The following CLEC4A variants were observed in gnomAD, a reference collection of about 807,000 sequenced individuals.
CLEC4A encodes the protein C-type (calcium dependent, carbohydrate-recognition domain) lectin, superfamily member 6.
CLEC4A carries 27 observed loss-of-function variants against 32.7 expected under a neutral mutation model. The ratio of observed to expected loss-of-function variants is 0.83; its 90% confidence interval spans 0.61 to 1.14. The LOEUF (loss-of-function observed/expected upper bound fraction) is 1.14. CLEC4A is among the 50% of genes most tolerant of loss of function. The pLI is 0.00. For missense variants in CLEC4A, 253 were observed against 274.6 expected, an observed-to-expected ratio of 0.92 and a Z score of 0.55; for synonymous variants, 89 against 93.7, an observed-to-expected ratio of 0.95 and a Z score of 0.29.
At chr12:8,122,017 G>A (rs1947835340), upstream of CLEC4A, among the ~76,000 whole-genome samples, 1 of 152,012 alleles carries the variant, frequency 6.6e-6, no homozygotes, top group Non-Finnish European at 1.5e-5. Context: ...GACCTGGTGT[G>A]GTTTCAGAGA....
At position 8,125,658 on chromosome 12, in the gene CLEC4A, A is replaced by G. The variant is rs1282984669; in HGVS notation, c.180A>G (p.Ser60=). 1 of 1,606,242 alleles carries G rather than the reference A, an allele frequency of 6.2e-7. No individual in the cohort carries two copies. The highest frequency in any genetic ancestry group is 8.5e-7 in the Non-Finnish European group (1 of 1,172,944). The stretch of plus-strand genomic sequence containing the variant: ...TATTTTTCCTGCTATTGGCAATCTC[A>G]TTCTTTATTGCTTTTGTCAGTAAGT... ...LLIFFLLLAI[S]FFIAFVIFFQ... is the part of the protein sequence containing the mutation. Residue 60 remains serine, a synonymous_variant, in exon 2 of 6, where the codon TCA becomes TCG. Transcript: ENST00000229332.
intron 3 of CLEC4A, among the ~76,000 whole-genome samples, chr12:8,130,496 C>T (rs923323579): frequency 2.6e-5 from 4 of 152,120 alleles, no homozygotes; most frequent in African/African-American, 9.7e-5. Flanking sequence ...CCTCAGCCTC[C>T]CAGTAGCTGG....
At position 8,138,251 on chromosome 12, in the gene CLEC4A, A is replaced by C. The variant is rs1429411507; in HGVS notation, c.678A>C (p.Gln226His). ...GWNDVNCLGP[Q>H]RSVCEMMKIH... is the part of the protein sequence containing the mutation. ...ATGATGTTAATTGTCTTGGTCCTCAAAGGTCAGTTTGTGAGATGATGAAGA... is the reference window on the plus strand; with the variant it reads ...ATGATGTTAATTGTCTTGGTCCTCACAGGTCAGTTTGTGAGATGATGAAGA... The change falls in exon 6 of 6, where the codon CAA becomes CAC. Residue 226 changes from glutamine to histidine, a missense_variant. Transcript: ENST00000229332. 4 of 1,614,024 alleles carry C rather than the reference A, an allele frequency of 2.5e-6. No homozygotes were observed. The highest frequency in any genetic ancestry group is 3.4e-6 in the Non-Finnish European group (4 of 1,180,018).
chr12:8,110,532 T>C, the CLEC4A span, among the ~76,000 whole-genome samples: 3 of 152,318 alleles, frequency 2.0e-5, no homozygotes, highest in South Asian at 6.2e-4. Context: ...CCCAAGTTCC[T>C]GTTCATCCAC....
chr12:8,109,368 C>A, the CLEC4A span, among the ~76,000 whole-genome samples: 1 of 152,050 alleles, frequency 6.6e-6, no homozygotes, highest in African/African-American at 2.4e-5. Context: ...GATTAATGGG[C>A]AGTAAAGAGT....
At position 8,126,173 on chromosome 12, in the gene CLEC4A, G is replaced by A. The variant is rs570355986; in HGVS notation, c.199+496G>A. Among the ~76,000 whole-genome samples the A allele has an allele frequency of 4.7e-4, 71 of 152,046 alleles. 2 individuals carry two copies. Among genetic ancestry groups the A allele is most frequent in the Non-Finnish European group, 3.5e-4 (24 of 68,016 alleles). ...TGTGTGGGATCTAAAAGTCAATTTTGCAAATTAGGTGGATTGCTGCGTATC... is the reference window on the plus strand; with the variant it reads ...TGTGTGGGATCTAAAAGTCAATTTTACAAATTAGGTGGATTGCTGCGTATC... On this transcript the variant is annotated intron_variant, in intron 2 of 5. Transcript: ENST00000229332.
At position 8,123,969 on chromosome 12, in the gene CLEC4A, C is replaced by A. The variant is rs778281838; in HGVS notation, c.82+9C>A. On this transcript the variant is annotated intron_variant, in intron 1 of 5. Coordinates refer to ENST00000229332, the MANE Select transcript of CLEC4A (RefSeq NM_016184.4). ...CACAGCCTCTTCTGCAGGTAAAGAT[C>A]ATTTTCTAGGGGTCAGAGTGAATGA... is the stretch of plus-strand genomic sequence containing the variant. 4 of 1,567,570 alleles carry A rather than the reference C, an allele frequency of 2.6e-6. No individual in the cohort carries two copies. The highest frequency in any genetic ancestry group is 3.5e-6 in the Non-Finnish European group (4 of 1,137,598).
chr12:8,103,376 GTTTTT>G, the CLEC4A span, among the ~76,000 whole-genome samples: 5 of 56,512 alleles, frequency 8.8e-5, no homozygotes, highest in African/African-American at 2.5e-4. Flanking sequence ...TCTTTCTGTT[GTTTTT>G]TTTTTTTTTT....
At chr12:8,124,644 A>C (rs1472372194) in intron 1 of CLEC4A, among the ~76,000 whole-genome samples, 5 of 152,206 alleles carry the variant, frequency 3.3e-5, no homozygotes, top group African/African-American at 1.2e-4. Flanking sequence ...TATAGAGTAC[A>C]AGAAACTATG....
intron 3 of CLEC4A, chr12:8,134,623 C>G: frequency 6.2e-7 from 1 of 1,610,098 alleles, no homozygotes; most frequent in Non-Finnish European, 8.5e-7. Flanking sequence ...GTCTGAGGCC[C>G]ACAGTACGCC....
At chr12:8,116,018 A>G in the CLEC4A span, among the ~76,000 whole-genome samples, 1 of 152,146 alleles carries the variant, frequency 6.6e-6, no homozygotes, top group Middle Eastern at 3.4e-3. Context: ...ACCGGAGTGC[A>G]GGTGTGATCT....
the CLEC4A span, among the ~76,000 whole-genome samples, chr12:8,114,055 G>A: frequency 3.9e-5 from 6 of 152,142 alleles, no homozygotes; most frequent in Non-Finnish European, 8.8e-5. Flanking sequence ...GGTTGGCTGA[G>A]GCAAGGTGTT....
chr12:8,108,222 T>C, the CLEC4A span, among the ~76,000 whole-genome samples: 1 of 152,174 alleles, frequency 6.6e-6, no homozygotes, highest in South Asian at 2.1e-4. Flanking sequence ...ATTTTTGTGC[T>C]TCAGAGCCAG....
At chr12:8,111,884 C>T in the CLEC4A span, among the ~76,000 whole-genome samples, 3 of 150,496 alleles carry the variant, frequency 2.0e-5, no homozygotes, top group Non-Finnish European at 3.0e-5. Flanking sequence ...TTTTTAGACT[C>T]AGGGGGTACA....
chr12:8,113,421 T>C, the CLEC4A span, among the ~76,000 whole-genome samples: 154 of 152,332 alleles, frequency 1.0e-3, 1 homozygote, highest in African/African-American at 3.4e-3. Flanking sequence ...AATTTGGCTT[T>C]CTGCTTAGGT....
In CLEC4A at chr12:8,136,896, A is replaced by T; in HGVS notation, c.559A>T (p.Ser187Cys). The T allele has an allele frequency of 6.2e-7, 1 of 1,606,760 alleles. No individual in the cohort carries two copies. The highest frequency in any genetic ancestry group is 1.3e-5 in the African/African-American group (1 of 74,890). The change falls in exon 5 of 6, where the codon AGT becomes TGT. Residue 187 changes from serine to cysteine, a missense_variant. Coordinates refer to ENST00000229332, the MANE Select transcript of CLEC4A (RefSeq NM_016184.4). ...GGTTGATCAGACACCATACAATGAA[A>T]GTTCCACGTGAGTATAGAATGAGAT... Reference protein sequence around the residue: ...QWVDQTPYNESSTFWHPREPS... With the variant: ...QWVDQTPYNECSTFWHPREPS...
At chr12:8,120,232 C>G (rs10840705), upstream of CLEC4A, among the ~76,000 whole-genome samples, 42,340 of 152,082 alleles carry the variant, frequency 0.28, 6,631 homozygotes, top group East Asian at 0.44. Flanking sequence ...CCTTCCCCAC[C>G]TGGGCTGATA....
rs1947956823 is a variant in CLEC4A at position 8,129,401 on chromosome 12, A to T, written c.298+39A>T. The T allele has an allele frequency of 4.0e-6, 5 of 1,259,670 alleles. No individual in the cohort carries two copies. In the East Asian group the frequency reaches 1.2e-4, roughly 29 times the overall value. 78.0% of individuals were successfully genotyped at this position (1,259,670 alleles called of 1,614,324 possible). On this transcript the variant is annotated intron_variant, in intron 3 of 5. Transcript: ENST00000229332. Reference sequence around the variant, plus strand: ...TGCCTAGAATTCAGTTGCTGAATGTACTATGTAAGGATCCCAAATCAATAT... The same window carrying T: ...TGCCTAGAATTCAGTTGCTGAATGTTCTATGTAAGGATCCCAAATCAATAT...
chr12:8,118,805 A>AAG (rs780979445), upstream of CLEC4A, among the ~76,000 whole-genome samples: 29 of 152,292 alleles, frequency 1.9e-4, no homozygotes, highest in Non-Finnish European at 4.0e-4. Flanking sequence ...TGATGATATT[A>AAG]AGAGGTGGGC....
Sources: allele counts gnomAD v4.1 joint callset (sites outside exome capture counted in the v4.1 genomes callset), GRCh38; gene constraint gnomAD v4.1.1; transcripts MANE v1.5; gene names NCBI Gene and HGNC (gene_info 2026-07-23, HGNC 2026-07-21).